Variants in PRRX1 observed in about 807,000 individuals in gnomAD.
The protein encoded by PRRX1 is paired related homeobox 1, also known as paired mesoderm homeobox protein 1.
Under a neutral mutation model 24.0 loss-of-function variants are expected in PRRX1, and 8 were observed. That is an observed-to-expected ratio of 0.33 (90% CI 0.20 to 0.60). The LOEUF (loss-of-function observed/expected upper bound fraction) is 0.60, where lower values mean the gene tolerates loss of function less well. PRRX1 is among the 20% of genes least tolerant of loss of function. The probability of loss-of-function intolerance (pLI) is 0.82; values close to 1 mark genes in which losing one functional copy is unlikely to be tolerated. For synonymous variants in PRRX1, 160 were observed against 131.7 expected (o/e 1.22, Z -1.47); for missense variants, 281 against 322.4 (o/e 0.87, Z 0.98).
chr1:170,665,947 G>T (rs190730619), intron 1 of PRRX1, among the ~76,000 whole-genome samples: 1 of 152,360 alleles, frequency 6.6e-6, no homozygotes, highest in East Asian at 1.9e-4. Flanking sequence ...GTGTCCTCAA[G>T]TTCCGCATAA....
In PRRX1 at chr1:170,719,892, G is replaced by T; in HGVS notation, c.408G>T (p.Ala136=). 6.2e-7 allele frequency: 1 copy of T among 1,613,974 alleles called. No homozygotes were observed. Among genetic ancestry groups the T allele is most frequent in the Non-Finnish European group, 8.5e-7 (1 of 1,179,962 alleles). ...CCCGCCGGGTGAACCTCACCGAGGCGAGAGTGCAGGTAACTCAAGCTGTGA... is the reference window on the plus strand; with the variant it reads ...CCCGCCGGGTGAACCTCACCGAGGCTAGAGTGCAGGTAACTCAAGCTGTGA... The part of the protein sequence containing the change: ...DLARRVNLTE[A]RVQVWFQNRR... The change falls in exon 2 of 4, where the codon GCG becomes GCT. Residue 136 remains alanine (A), a synonymous_variant. Transcript: ENST00000239461.
intron 1 of PRRX1, among the ~76,000 whole-genome samples, chr1:170,709,398 A>T (rs1654672427): frequency 6.6e-6 from 1 of 152,236 alleles, no homozygotes; most frequent in Non-Finnish European, 1.5e-5. Context: ...CACCATTAGC[A>T]GTACAACTAG....
At chr1:170,707,744 T>C (rs1240152300) in intron 1 of PRRX1, among the ~76,000 whole-genome samples, 1 of 152,214 alleles carries the variant, frequency 6.6e-6, no homozygotes, top group African/African-American at 2.4e-5. Flanking sequence ...TTACCAATTG[T>C]TGGAAATGCT....
chr1:170,696,438 C>T (rs1031555315), intron 1 of PRRX1, among the ~76,000 whole-genome samples: 2 of 152,044 alleles, frequency 1.3e-5, no homozygotes, highest in African/African-American at 4.8e-5. Context: ...AAGGTGCAGC[C>T]AGCAGTCCAG....
intron 1 of PRRX1, among the ~76,000 whole-genome samples, chr1:170,694,982 A>G (rs1204551886): frequency 6.6e-6 from 1 of 152,168 alleles, no homozygotes; most frequent in African/African-American, 2.4e-5. Flanking sequence ...TAGTCTAACA[A>G]TCCGATGCAT....
intron 1 of PRRX1, among the ~76,000 whole-genome samples, chr1:170,696,033 A>G (rs1654155348): frequency 6.6e-6 from 1 of 152,188 alleles, no homozygotes; most frequent in Non-Finnish European, 1.5e-5. Context: ...CTCTATCTTT[A>G]GCAGTAGACA....
At chr1:170,690,557 A>G (rs954226386) in intron 1 of PRRX1, among the ~76,000 whole-genome samples, 3 of 152,124 alleles carry the variant, frequency 2.0e-5, no homozygotes, top group Admixed American at 6.6e-5. Context: ...AGCACAATCT[A>G]TAGCTAACAT....
intron 1 of PRRX1, among the ~76,000 whole-genome samples, chr1:170,703,461 A>T (rs1011189531): frequency 2.0e-5 from 3 of 152,238 alleles, no homozygotes; most frequent in Non-Finnish European, 2.9e-5. Flanking sequence ...GTTATTCAGA[A>T]ATATTTATTA....
At chr1:170,683,131 A>G (rs770610918) in intron 1 of PRRX1, among the ~76,000 whole-genome samples, 9 of 152,274 alleles carry the variant, frequency 5.9e-5, no homozygotes, top group African/African-American at 1.2e-4. Flanking sequence ...CCAGGGAGAC[A>G]TTGAAACCGG....
At chr1:170,686,220 A>AT (rs1309974829) in intron 1 of PRRX1, among the ~76,000 whole-genome samples, 1 of 151,194 alleles carries the variant, frequency 6.6e-6, no homozygotes, top group Non-Finnish European at 1.5e-5. Flanking sequence ...CGTTTCAGAT[A>AT]TTTTTTAAAA....
chr1:170,737,503 G>A lies in PRRX1; in HGVS notation c.*1317G>A, dbSNP rs545038619. ...GGGAATTGCAGTTAGAGAGAGTAAG[G>A]AATACCATTTAGTCATCTATCCGTT... On this transcript the variant is annotated 3_prime_UTR_variant, in exon 4 of 4. Coordinates refer to ENST00000239461, the MANE Select transcript of PRRX1 (RefSeq NM_022716.4). 1 of 206,970 alleles carries A rather than the reference G, an allele frequency of 4.8e-6. No homozygotes were observed. Among genetic ancestry groups the A allele is most frequent in the East Asian group, 7.3e-5 (1 of 13,764 alleles). 12.8% of individuals were successfully genotyped at this position (206,970 alleles called of 1,614,324 possible).
At chr1:170,701,130 A>G (rs948010855) in intron 1 of PRRX1, among the ~76,000 whole-genome samples, 4 of 152,200 alleles carry the variant, frequency 2.6e-5, no homozygotes, top group Non-Finnish European at 4.4e-5. Context: ...ATCAAAATCT[A>G]GTGCAATTAG....
At chr1:170,728,126 T>C (rs1655314906) in intron 3 of PRRX1, 1 of 152,160 alleles carries the variant, frequency 6.6e-6, no homozygotes, top group South Asian at 2.1e-4. Context: ...ATACCAGCCA[T>C]AAACAATCCA....
At chr1:170,680,641 T>G (rs1229559619) in intron 1 of PRRX1, among the ~76,000 whole-genome samples, 1 of 152,242 alleles carries the variant, frequency 6.6e-6, no homozygotes, top group Non-Finnish European at 1.5e-5. Context: ...GTTGCATAAT[T>G]AAGTACGTCA....
intron 1 of PRRX1, among the ~76,000 whole-genome samples, chr1:170,691,053 A>G (rs976227753): frequency 1.3e-5 from 2 of 152,140 alleles, no homozygotes; most frequent in African/African-American, 4.8e-5. Context: ...AGGGATGGAT[A>G]ATACACTAAT....
intron 1 of PRRX1, among the ~76,000 whole-genome samples, chr1:170,698,896 C>G (rs536076119): frequency 6.6e-6 from 1 of 152,080 alleles, no homozygotes; most frequent in Admixed American, 6.6e-5. Context: ...GAAGGGGCCC[C>G]GGGCTATTAG....
chr1:170,710,661 A>G (rs1654716325), intron 1 of PRRX1, among the ~76,000 whole-genome samples: 1 of 152,218 alleles, frequency 6.6e-6, no homozygotes, highest in Admixed American at 6.5e-5. Flanking sequence ...TTTGGAAGTA[A>G]GACCTTTGAA....
At chr1:170,663,947 G>T (rs115308632), upstream of PRRX1, 334 of 471,890 alleles carry the variant, frequency 7.1e-4, no homozygotes, top group African/African-American at 6.1e-3. Flanking sequence ...TCTTTGGACC[G>T]CGCCGGACTT....
intron 1 of PRRX1, among the ~76,000 whole-genome samples, chr1:170,674,240 GCACA>G (rs369117667): frequency 4.6e-4 from 70 of 150,920 alleles, no homozygotes; most frequent in East Asian, 2.7e-3. Context: ...GCGCACGCAC[GCACA>G]CACACACACA....
Sources: allele counts gnomAD v4.1 joint callset (sites outside exome capture counted in the v4.1 genomes callset), GRCh38; gene constraint gnomAD v4.1.1; transcripts MANE v1.5; gene names NCBI Gene and HGNC (gene_info 2026-07-23, HGNC 2026-07-21).